The following ZBTB41 variants were observed in gnomAD, a reference collection of about 807,000 sequenced individuals.
ZBTB41 encodes zinc finger and BTB domain-containing protein 41.
ZBTB41 carries 42 observed loss-of-function variants against 87.6 expected under a neutral mutation model. The ratio of observed to expected loss-of-function variants is 0.48; its 90% CI spans 0.37 to 0.62. The LOEUF is 0.62. ZBTB41 is among the 20% of genes least tolerant of loss of function. The pLI is 0.00. For synonymous variants in ZBTB41, 364 were observed against 364.0 expected (o/e 1.00, Z 0.00); for missense variants, 799 against 1,078.9 (o/e 0.74, Z 3.63).
Position 197,159,717 on chromosome 1 carries a change from T to C in ZBTB41, c.2372A>G (p.Tyr791Cys). 1.2e-6 allele frequency: 2 copies of C among 1,614,040 alleles called. No individual in the cohort carries two copies. The highest frequency in any genetic ancestry group is 8.5e-7 in the Non-Finnish European group (1 of 1,179,924). Reference sequence around the variant, plus strand: ...TAACATCGTCTTGGCTTCCGACTGATAAACTTTGGGCTGGTCCATATATTG... The same window carrying C: ...TAACATCGTCTTGGCTTCCGACTGACAAACTTTGGGCTGGTCCATATATTG... ...TKQYMDQPKV[Y>C]QSEAKTMLQN... The change falls in exon 11 of 11, where the codon TAT (tyrosine) becomes TGT (cysteine). Residue 791 changes from tyrosine (Y) to cysteine (C), a missense_variant. Tyr to Cys is a radical substitution (Grantham distance 194). Coordinates refer to ENST00000367405, the MANE Select transcript of ZBTB41 (RefSeq NM_194314.3).
At chr1:197,177,739 T>C (rs1365474314) in intron 7 of ZBTB41, among the ~76,000 whole-genome samples, 2 of 152,090 alleles carry the variant, frequency 1.3e-5, no homozygotes, top group African/African-American at 4.8e-5. Context: ...ATGAAAGGAA[T>C]AGCTTTCCCT....
At chr1:197,184,857 C>T (rs902763258) in intron 5 of ZBTB41, among the ~76,000 whole-genome samples, 1 of 151,346 alleles carries the variant, frequency 6.6e-6, no homozygotes, top group East Asian at 2.0e-4. Context: ...TCTTGTTGCC[C>T]AGGCTGGTGT....
chr1:197,183,082 T>TAC lies in ZBTB41; in HGVS notation c.1547-1967_1547-1966dup, dbSNP rs1039400772. Among the ~76,000 whole-genome samples the TAC allele has an allele frequency of 2.0e-5, 3 of 152,248 alleles. No homozygotes were observed. In the East Asian group the frequency reaches 5.8e-4, roughly 29 times the overall value. On this transcript the variant is annotated intron_variant, in intron 5 of 10. Transcript: ENST00000367405. ...ATGTATACATATATGTATACATATG[T>TAC]ACACACACACAAATACAGAAAATAC...
At chr1:197,160,119 A>G in intron 10 of ZBTB41, 105 bp from the exon 11 acceptor site, 2 of 765,216 alleles carry the variant, frequency 2.6e-6, no homozygotes, top group South Asian at 1.8e-5. Flanking sequence ...CCAGAACTTG[A>G]TAATAGCAAT....
chr1:197,166,046 G>C (rs1344274371), intron 10 of ZBTB41, among the ~76,000 whole-genome samples: 2 of 151,252 alleles, frequency 1.3e-5, no homozygotes, highest in African/African-American at 2.5e-5. Context: ...GTTGGGGGAT[G>C]GGGGGGCCTG....
In ZBTB41 at chr1:197,159,683, T is replaced by C. The variant is rs574345836; in HGVS notation, c.2406A>G (p.Val802=). Residue 802 remains valine, a synonymous_variant, in exon 11 of 11, where the codon GTA becomes GTG. Transcript: ENST00000367405. ...TTACTGGAACACATACTTCAGCAGA[T>C]ACATTCTGTAACATCGTCTTGGCTT... is the stretch of plus-strand genomic sequence containing the variant. ...QSEAKTMLQN[V]SAEVCVPVTL... 22 of 1,614,036 alleles carry C rather than the reference T, an allele frequency of 1.4e-5. No homozygotes were observed. The highest frequency in any genetic ancestry group is 1.2e-4 in the Admixed American group (7 of 59,988).
In ZBTB41 at chr1:197,174,991, A is replaced by G. The variant is rs578061119; in HGVS notation, c.1985+19T>C. The G allele has an allele frequency of 3.8e-6, 6 of 1,594,306 alleles. No individual in the cohort carries two copies. The highest frequency in any genetic ancestry group is 1.3e-5 in the African/African-American group (1 of 74,282). On this transcript the variant is annotated intron_variant, in intron 9 of 10. Transcript: ENST00000367405. ...ACTTAGCCAATGTAAACTATGAGAC[A>G]TTTTGCTTTTTCACTTACTTTTGCC...
chr1:197,198,831 C>G (rs958213707), intron 2 of ZBTB41, among the ~76,000 whole-genome samples: 7 of 152,102 alleles, frequency 4.6e-5, no homozygotes, highest in Non-Finnish European at 1.0e-4. Flanking sequence ...AAGTCTCTAT[C>G]TACAGTATTA....
rs1659047904 is a variant in ZBTB41, at chr1:197,155,606, G to C, written c.*3753C>G. On this transcript the variant is annotated 3_prime_UTR_variant, in exon 11 of 11. Coordinates refer to ENST00000367405, the MANE Select transcript of ZBTB41 (RefSeq NM_194314.3). ...ATTAGTTTAACTGTGTTTTTAATTT[G>C]TTTGCAATTATATTGAAAAGCAACC... The C allele has an allele frequency of 6.6e-6, 1 of 152,232 alleles. No homozygotes were observed. Among genetic ancestry groups the C allele is most frequent in the African/African-American group, 2.4e-5 (1 of 41,396 alleles). The allele number at this position is 152,232 out of a possible 1,614,324, so 9.4% of individuals were successfully genotyped here. A position where few individuals can be genotyped will look rare whatever the true frequency, so the allele number is the denominator to read the frequency against.
At chr1:197,168,764 T>C (rs1212183882) in intron 10 of ZBTB41, among the ~76,000 whole-genome samples, 1 of 152,076 alleles carries the variant, frequency 6.6e-6, no homozygotes. Context: ...ATGACGTCTT[T>C]AAACTTCAAA....
In ZBTB41 at chr1:197,176,664, G is replaced by GACATCA; in HGVS notation, c.1778_1779insTGATGT (p.His593_Leu594insAspVal). ...TTTTATCATCATGATGTACTCGTAA[G>GACATCA]TGAAGTCTATAAAGAAAAAAGAATT... On this transcript the variant is annotated inframe_insertion, in exon 8 of 11. Transcript: ENST00000367405. 6.2e-7 allele frequency: 1 copy of GACATCA among 1,607,612 alleles called. No individual in the cohort carries two copies. The highest frequency in any genetic ancestry group is 8.5e-7 in the Non-Finnish European group (1 of 1,175,814).
chr1:197,188,200 GAA>G, intron 5 of ZBTB41, 90 bp downstream of exon 5: 1 of 1,445,426 alleles, frequency 6.9e-7, no homozygotes, highest in Non-Finnish European at 9.4e-7. Context: ...TCTTTTAGAA[GAA>G]AAAGAGTAAT....
intron 10 of ZBTB41, among the ~76,000 whole-genome samples, chr1:197,160,889 C>G (rs1189141324): frequency 6.6e-6 from 1 of 152,088 alleles, no homozygotes; most frequent in Non-Finnish European, 1.5e-5. Flanking sequence ...AAGAATGGGT[C>G]AGACAGATGC....
intron 9 of ZBTB41, among the ~76,000 whole-genome samples, chr1:197,173,281 C>A (rs1347728130): frequency 6.6e-6 from 1 of 152,080 alleles, no homozygotes; most frequent in Non-Finnish European, 1.5e-5. Flanking sequence ...ATACGAAATA[C>A]CAACATACTA....
intron 2 of ZBTB41, 72 bp downstream of exon 2, chr1:197,199,282 T>C (rs1660238932): frequency 7.2e-7 from 1 of 1,384,040 alleles, no homozygotes; most frequent in African/African-American, 1.5e-5. Flanking sequence ...AAGTTTAGTT[T>C]TTATTTATCA....
chr1:197,178,633 C>A (rs1257305884), intron 6 of ZBTB41, 121 bp from the exon 7 acceptor site: 2 of 594,676 alleles, frequency 3.4e-6, no homozygotes, highest in African/African-American at 1.9e-5. Flanking sequence ...TCTCCTCTTT[C>A]TTACAATAAT....
intron 9 of ZBTB41, 49 bp from the exon 10 acceptor site, chr1:197,172,297 TAATA>T (rs1346670691): frequency 4.3e-5 from 26 of 599,480 alleles, no homozygotes; most frequent in Middle Eastern, 5.3e-4. Context: ...TTAATAACTA[TAATA>T]AATATGACAA....
chr1:197,164,650 G>A (rs1473277981), intron 10 of ZBTB41, among the ~76,000 whole-genome samples: 1 of 144,200 alleles, frequency 6.9e-6, no homozygotes, highest in Non-Finnish European at 1.5e-5. Context: ...TCAACAGAAA[G>A]ATATGACTAA....
intron 10 of ZBTB41, among the ~76,000 whole-genome samples, chr1:197,161,523 T>C (rs1057354273): frequency 6.6e-6 from 1 of 152,036 alleles, no homozygotes; most frequent in Non-Finnish European, 1.5e-5. Context: ...TTTAGACAGA[T>C]TGGGAGGCTG....
Sources: allele counts gnomAD v4.1 joint callset (sites outside exome capture counted in the v4.1 genomes callset), GRCh38; gene constraint gnomAD v4.1.1; transcripts MANE v1.5; gene names NCBI Gene and HGNC (gene_info 2026-07-23, HGNC 2026-07-21).